The following PAK5 variants were observed in gnomAD, a reference collection of about 807,000 sequenced individuals.
PAK5 encodes the protein serine/threonine-protein kinase PAK 5.
A neutral mutation model predicts 65.9 loss-of-function variants in PAK5; 16 were observed. The observed-to-expected ratio is 0.24, with a 90% confidence interval of 0.16 to 0.37. PAK5 has a LOEUF of 0.37. Among genes scored for constraint, PAK5 ranks in the 10% least tolerant of loss-of-function variants. The probability of loss-of-function intolerance (pLI) is 1.00; values close to 1 mark genes in which losing one functional copy is unlikely to be tolerated. For synonymous variants in PAK5, 371 were observed against 354.9 expected (o/e 1.05, Z -0.51); for missense variants, 785 against 903.9 (o/e 0.87, Z 1.69).
At chr20:9,815,425 C>T (rs1555931589) in intron 1 of PAK5, among the ~76,000 whole-genome samples, 1 of 152,124 alleles carries the variant, frequency 6.6e-6, no homozygotes. Context: ...CCTCAGTTGA[C>T]ATTACTGGGC....
At chr20:9,766,358 T>TATATATATTCTACTTGA (rs1569079009) in intron 1 of PAK5, among the ~76,000 whole-genome samples, 1,939 of 50,284 alleles carry the variant, frequency 0.039, 190 homozygotes, top group South Asian at 0.056. Context: ...CTTACTTGAA[T>TATATATATTCTACTTGA]ATATATATAT....
chr20:9,652,564 C>A (rs1372322793), intron 2 of PAK5, among the ~76,000 whole-genome samples: 1 of 152,214 alleles, frequency 6.6e-6, no homozygotes, highest in Non-Finnish European at 1.5e-5. Flanking sequence ...GCTTCCCACT[C>A]CAGGAGAAAC....
chr20:9,585,057 C>T (rs932034841), intron 3 of PAK5, among the ~76,000 whole-genome samples: 1 of 152,188 alleles, frequency 6.6e-6, no homozygotes, highest in African/African-American at 2.4e-5. Flanking sequence ...CAGACTTTCT[C>T]TGAACTTGAT....
chr20:9,659,017 C>T (rs912123420), intron 2 of PAK5, among the ~76,000 whole-genome samples: 4 of 152,060 alleles, frequency 2.6e-5, no homozygotes, highest in African/African-American at 9.7e-5. Flanking sequence ...AAAAAGCCCC[C>T]CATATAATTG....
chr20:9,618,787 C>T (rs899800918), intron 3 of PAK5, among the ~76,000 whole-genome samples: 13 of 149,400 alleles, frequency 8.7e-5, no homozygotes, highest in Non-Finnish European at 1.6e-4. Flanking sequence ...GTACAAGCAA[C>T]TTAAGGAAAA....
At chr20:9,638,857 C>T (rs1052413042) in intron 3 of PAK5, among the ~76,000 whole-genome samples, 6 of 152,178 alleles carry the variant, frequency 3.9e-5, no homozygotes, top group African/African-American at 1.4e-4. Context: ...CTTGGCAAAG[C>T]TTGCTGACAA....
chr20:9,681,689 T>A (rs906093374), intron 2 of PAK5, among the ~76,000 whole-genome samples: 1 of 152,214 alleles, frequency 6.6e-6, no homozygotes, highest in Non-Finnish European at 1.5e-5. Context: ...CTTTTGTAAT[T>A]CTTTACAAAC....
intron 7 of PAK5, among the ~76,000 whole-genome samples, chr20:9,545,191 A>T (rs6056685): frequency 0.19 from 28,946 of 152,096 alleles, 3,635 homozygotes; most frequent in African/African-American, 0.36. Context: ...GGCTCAGTGT[A>T]TATACATGTT....
intron 2 of PAK5, among the ~76,000 whole-genome samples, chr20:9,672,590 C>A (rs1303291103): frequency 6.6e-6 from 1 of 151,972 alleles, no homozygotes; most frequent in Non-Finnish European, 1.5e-5. Flanking sequence ...CCTCCTTCAC[C>A]TTCTGCCGTG....
intron 2 of PAK5, among the ~76,000 whole-genome samples, chr20:9,665,067 G>GT (rs2047396131): frequency 1.0e-5 from 1 of 97,852 alleles, no homozygotes; most frequent in Non-Finnish European, 2.0e-5. Flanking sequence ...ACACCACCAT[G>GT]CCCAGCTAAA....
At chr20:9,693,884 T>C (rs1333127108) in intron 2 of PAK5, among the ~76,000 whole-genome samples, 3 of 152,110 alleles carry the variant, frequency 2.0e-5, no homozygotes, top group Admixed American at 6.6e-5. Flanking sequence ...TGTAAATAAT[T>C]GGATATCAGT....
intron 9 of PAK5, among the ~76,000 whole-genome samples, chr20:9,541,413 C>T (rs1356988748): frequency 6.6e-6 from 1 of 152,154 alleles, no homozygotes; most frequent in Non-Finnish European, 1.5e-5. Flanking sequence ...ACAGAAAAGA[C>T]CCCACTCGGT....
At chr20:9,641,579 C>T (rs1013110256) in intron 3 of PAK5, among the ~76,000 whole-genome samples, 24 of 152,030 alleles carry the variant, frequency 1.6e-4, no homozygotes, top group Admixed American at 9.8e-4. Flanking sequence ...CAGTCCTGTG[C>T]GGTGCGCTCA....
chr20:9,565,355 T>C (rs895973711), intron 5 of PAK5, among the ~76,000 whole-genome samples: 7 of 152,206 alleles, frequency 4.6e-5, no homozygotes, highest in Non-Finnish European at 1.0e-4. Flanking sequence ...AATTCATTAT[T>C]TTTATAGTTA....
At chr20:9,639,136 C>T (rs1414721195) in intron 3 of PAK5, among the ~76,000 whole-genome samples, 1 of 152,148 alleles carries the variant, frequency 6.6e-6, no homozygotes, top group Admixed American at 6.5e-5. Context: ...ATTCTCTATA[C>T]TTTATCATAT....
At chr20:9,674,833 AC>A (rs898498880) in intron 2 of PAK5, among the ~76,000 whole-genome samples, 31 of 152,078 alleles carry the variant, frequency 2.0e-4, no homozygotes, top group Non-Finnish European at 3.8e-4. Flanking sequence ...GGGAGCTTGT[AC>A]CCCATGTCAG....
chr20:9,833,435 C>T (rs2123792116), intron 1 of PAK5, among the ~76,000 whole-genome samples: 1 of 140,888 alleles, frequency 7.1e-6, no homozygotes, highest in South Asian at 2.2e-4. Flanking sequence ...CACCCCCCAA[C>T]CACCCACATC....
At chr20:9,754,869 CA>C (rs1299810443) in intron 1 of PAK5, among the ~76,000 whole-genome samples, 4 of 152,120 alleles carry the variant, frequency 2.6e-5, no homozygotes, top group Non-Finnish European at 5.9e-5. Context: ...ATAATTTTTG[CA>C]AAGGCAGTTT....
rs1280516946 is a variant in PAK5, at chr20:9,539,247, G to A, written c.*215C>T. 5.9e-5 allele frequency: 30 copies of A among 508,608 alleles called. No individual in the cohort carries two copies. The highest frequency in any genetic ancestry group is 2.2e-4 in the Admixed American group (7 of 32,290). 31.5% of individuals were successfully genotyped at this position (508,608 alleles called of 1,614,324 possible). On this transcript the variant is annotated 3_prime_UTR_variant, in exon 10 of 10. Coordinates refer to ENST00000353224, the MANE Select transcript of PAK5 (RefSeq NM_177990.4). ...AATATAATAATGACTTATTAAAGCC[G>A]TGCTCCAAGTGACCACACCGGCTGT...
Sources: gnomAD v4.1 joint callset for allele counts (sites outside exome capture counted in the v4.1 genomes callset) on GRCh38, gnomAD v4.1.1 for gene constraint, MANE v1.5 for transcripts, NCBI Gene and HGNC (gene_info 2026-07-23, HGNC 2026-07-21) for gene names.